The following GRIK2 variants were observed in gnomAD, a reference collection of about 807,000 sequenced individuals.
GRIK2 encodes glutamate receptor ionotropic, kainate 2.
GRIK2 carries 32 observed loss-of-function variants against 100.3 expected under a neutral mutation model. The observed-to-expected ratio is 0.32, with a 90% CI of 0.24 to 0.43. The LOEUF (loss-of-function observed/expected upper bound fraction) is 0.43, where lower values mean the gene tolerates loss of function less well. Among genes scored for constraint, GRIK2 ranks in the 20% least tolerant of loss-of-function variants. GRIK2 has a pLI of 1.00. For missense variants in GRIK2, 843 were observed against 1,114.9 expected, an observed-to-expected ratio of 0.76 and a Z score of 3.47; for synonymous variants, 417 against 389.4, an observed-to-expected ratio of 1.07 and a Z score of -0.83.
At chr6:101,868,003 TA>T (rs1364684285) in intron 11 of GRIK2, among the ~76,000 whole-genome samples, 1 of 132,724 alleles carries the variant, frequency 7.5e-6, no homozygotes, top group Non-Finnish European at 1.5e-5. Flanking sequence ...AAAATGTCTG[TA>T]AAAAATGTTT....
intron 2 of GRIK2, among the ~76,000 whole-genome samples, chr6:101,482,863 TGCCCA>T (rs1258193818): frequency 1.3e-5 from 2 of 152,146 alleles, no homozygotes; most frequent in Admixed American, 6.5e-5. Flanking sequence ...AAAGCCAAAC[TGCCCA>T]GTGTGGATCC....
intron 4 of GRIK2, among the ~76,000 whole-genome samples, chr6:101,646,830 G>C (rs1470268393): frequency 6.6e-6 from 1 of 151,866 alleles, no homozygotes. Context: ...AGATGGAAAG[G>C]AGAGGAAAGG....
At chr6:102,051,688 G>A (rs543112396) in intron 15 of GRIK2, among the ~76,000 whole-genome samples, 5 of 152,136 alleles carry the variant, frequency 3.3e-5, no homozygotes, top group Admixed American at 1.3e-4. Context: ...ACTGAAGGCC[G>A]TCTATTTTGA....
chr6:101,582,503 T>A lies in GRIK2; in HGVS notation c.116-39446T>A, dbSNP rs551982996. Among the ~76,000 whole-genome samples the A allele has an allele frequency of 2.7e-4, 41 of 152,286 alleles. No individual in the cohort carries two copies. The South Asian group carries it at 8.3e-3, about 31-fold the overall frequency. ...GTGCCTTCTGCCATGATTGTAAGTT[T>A]CCTGAGGTCTCCTCAGCCTTGCAGA... On this transcript the variant is annotated intron_variant, in intron 2 of 16. Transcript: ENST00000369134.
intron 7 of GRIK2, among the ~76,000 whole-genome samples, chr6:101,687,669 A>G (rs559797347): frequency 6.6e-6 from 1 of 152,094 alleles, no homozygotes; most frequent in East Asian, 1.9e-4. Flanking sequence ...AACAAAAAAT[A>G]CATTTGTTTT....
intron 7 of GRIK2, among the ~76,000 whole-genome samples, chr6:101,729,963 AC>A (rs1775146342): frequency 6.6e-6 from 1 of 151,956 alleles, no homozygotes; most frequent in African/African-American, 2.4e-5. Flanking sequence ...TTATTGAGTC[AC>A]TGTTTACATA....
chr6:101,522,118 T>C (rs1774909546), intron 2 of GRIK2, among the ~76,000 whole-genome samples: 2 of 152,148 alleles, frequency 1.3e-5, no homozygotes, highest in African/African-American at 4.8e-5. Context: ...AAGACCACTT[T>C]GAACAAAATT....
chr6:101,639,533 A>C (rs933324622), intron 4 of GRIK2, among the ~76,000 whole-genome samples: 39 of 152,158 alleles, frequency 2.6e-4, no homozygotes, highest in African/African-American at 9.4e-4. Flanking sequence ...GGACTTGTCC[A>C]CATAAAAATT....
rs568435911 is a variant in GRIK2, at chr6:101,950,114, C to A, written c.2085+21482C>A. Among the ~76,000 whole-genome samples, 12 of 152,170 alleles carry A rather than the reference C, an allele frequency of 7.9e-5. No homozygotes were observed. In the East Asian group the frequency reaches 1.7e-3, roughly 22 times the overall value. ...TTTAATCTCCTGATTTTAAGAAAAT[C>A]AGCCTGTTTTGTAAGTTTTTTCTAC... On this transcript the variant is annotated intron_variant, in intron 14 of 16. Transcript: ENST00000369134.
chr6:101,679,663 T>C (rs1427687137), intron 5 of GRIK2, among the ~76,000 whole-genome samples: 1 of 152,182 alleles, frequency 6.6e-6, no homozygotes, highest in African/African-American at 2.4e-5. Flanking sequence ...TAAGAGAGTA[T>C]TCCTGTTGTT....
intron 15 of GRIK2, among the ~76,000 whole-genome samples, chr6:102,038,318 G>A (rs1423596816): frequency 6.6e-6 from 1 of 151,350 alleles, no homozygotes; most frequent in Non-Finnish European, 1.5e-5. Context: ...CATTTGGGAA[G>A]AGCTGAAATA....
chr6:101,818,960 A>G (rs904537728), intron 10 of GRIK2, among the ~76,000 whole-genome samples: 1 of 152,094 alleles, frequency 6.6e-6, no homozygotes, highest in Non-Finnish European at 1.5e-5. Context: ...ATCTTGGAAA[A>G]TTAATTTTAC....
intron 14 of GRIK2, among the ~76,000 whole-genome samples, chr6:101,988,090 AGTGTGTGTGTGT>A (rs57491735): frequency 0.011 from 1,568 of 141,452 alleles, 19 homozygotes; most frequent in African/African-American, 0.017. Context: ...CCAGTATTAT[AGTGTGTGTGTGT>A]GTGTGTGTGT....
chr6:101,922,344 G>GA lies in GRIK2; in HGVS notation c.1749-2251dup, dbSNP rs199842289. Among the ~76,000 whole-genome samples, 1,397 of 152,112 alleles carry GA rather than the reference G, an allele frequency of 9.2e-3. 20 individuals carry two copies. The highest frequency in any genetic ancestry group is 0.031 in the African/African-American group (1,290 of 41,506). ...TACTTCAGGGCTTAAGGAACTCTATGAAAAAACTAGTGATCTCAGTCAAAC... is the reference window on the plus strand; with the variant it reads ...TACTTCAGGGCTTAAGGAACTCTATGAAAAAAACTAGTGATCTCAGTCAAAC... On this transcript the variant is annotated intron_variant, in intron 12 of 16. Coordinates refer to ENST00000369134, the MANE Select transcript of GRIK2 (RefSeq NM_021956.5).
At chr6:101,498,201 C>A (rs1053750417) in intron 2 of GRIK2, among the ~76,000 whole-genome samples, 2 of 150,882 alleles carry the variant, frequency 1.3e-5, no homozygotes, top group African/African-American at 2.4e-5. Flanking sequence ...ATGAACTCAT[C>A]ATTTTTTATG....
At chr6:101,749,630 T>A (rs901335836) in intron 7 of GRIK2, among the ~76,000 whole-genome samples, 1 of 152,100 alleles carries the variant, frequency 6.6e-6, no homozygotes, top group African/African-American at 2.4e-5. Context: ...TTATGCATTT[T>A]ACTTCTGTAT....
intron 2 of GRIK2, among the ~76,000 whole-genome samples, chr6:101,600,620 G>C (rs1582803715): frequency 6.6e-6 from 1 of 151,388 alleles, no homozygotes; most frequent in Middle Eastern, 3.4e-3. Context: ...CTTTCACCCT[G>C]TTGGTTACAT....
chr6:101,788,062 G>C (rs982671904), intron 7 of GRIK2, among the ~76,000 whole-genome samples: 22 of 151,676 alleles, frequency 1.5e-4, no homozygotes, highest in Admixed American at 4.6e-4. Context: ...TTGTCTCTTT[G>C]TACTGTTTTT....
At chr6:101,835,502 A>C (rs1582338195) in intron 10 of GRIK2, among the ~76,000 whole-genome samples, 1 of 118,486 alleles carries the variant, frequency 8.4e-6, no homozygotes, top group African/African-American at 3.4e-5. Context: ...ACAAAATCTC[A>C]CTCTGTCGCC....
Sources: allele counts gnomAD v4.1 joint callset (sites outside exome capture counted in the v4.1 genomes callset), GRCh38; gene constraint gnomAD v4.1.1; transcripts MANE v1.5; gene names NCBI Gene and HGNC (gene_info 2026-07-23, HGNC 2026-07-21).